DSCAML1: variants seen among roughly 807,000 people sequenced by gnomAD.
The protein encoded by DSCAML1 is cell adhesion molecule DSCAML1.
DSCAML1 carries 38 observed loss-of-function variants against 200.5 expected under a neutral mutation model. The observed-to-expected ratio is 0.19, with a 90% CI of 0.15 to 0.25. The LOEUF is 0.25. Ranked by LOEUF, DSCAML1 falls within the 10% of genes least tolerant of loss-of-function variation. The pLI is 1.00. For synonymous variants in DSCAML1, 1,215 were observed against 1,165.0 expected, an observed-to-expected ratio of 1.04 and a Z score of -0.87; for missense variants, 2,223 against 2,858.8, an observed-to-expected ratio of 0.78 and a Z score of 5.07.
chr11:117,797,093 C>T lies in DSCAML1; in HGVS notation c.-14G>A, dbSNP rs377600712. The T allele has an allele frequency of 1.9e-6, 3 of 1,587,394 alleles. No homozygotes were observed. The highest frequency in any genetic ancestry group is 1.8e-5 in the Admixed American group (1 of 57,112). On this transcript the variant is annotated 5_prime_UTR_variant, in exon 1 of 33. Transcript: ENST00000651296. ...TACCAGCCACATGCCATAAAGAGGC[C>T]CTATTCTCCGGGGAGGTGGTCCTGT...
intron 8 of DSCAML1, among the ~76,000 whole-genome samples, chr11:117,507,788 C>T (rs1300972553): frequency 6.6e-6 from 1 of 152,238 alleles, no homozygotes; most frequent in Non-Finnish European, 1.5e-5. Context: ...CACCTGGAAC[C>T]TAAATCCCAG....
At chr11:117,554,811 C>T (rs991433594) in intron 3 of DSCAML1, among the ~76,000 whole-genome samples, 1 of 152,218 alleles carries the variant, frequency 6.6e-6, no homozygotes, top group Non-Finnish European at 1.5e-5. Context: ...TGGGTCAGCC[C>T]TGAACTGCCA....
intron 11 of DSCAML1, among the ~76,000 whole-genome samples, 199 bp from the exon 12 acceptor site, chr11:117,482,361 G>T (rs1397373412): frequency 6.6e-6 from 1 of 152,188 alleles, no homozygotes; most frequent in Non-Finnish European, 1.5e-5. Flanking sequence ...TTCACCGGGG[G>T]TCCCACATTC....
chr11:117,637,166 A>T (rs1044272289), intron 3 of DSCAML1, among the ~76,000 whole-genome samples: 3 of 151,968 alleles, frequency 2.0e-5, no homozygotes, highest in Non-Finnish European at 4.4e-5. Context: ...GACACCCAAG[A>T]CTGGGGTTGA....
At chr11:117,570,988 T>G (rs10502226) in intron 3 of DSCAML1, among the ~76,000 whole-genome samples, 2,347 of 152,364 alleles carry the variant, frequency 0.015, 36 homozygotes, top group East Asian at 0.084. Flanking sequence ...TGAGGGTAGA[T>G]GCTAAGCTTT....
intron 5 of DSCAML1, among the ~76,000 whole-genome samples, chr11:117,522,153 C>T (rs981869522): frequency 2.6e-5 from 4 of 152,226 alleles, no homozygotes; most frequent in Admixed American, 1.3e-4. Flanking sequence ...CAGGGCCTCA[C>T]CTAGAGCATT....
intron 3 of DSCAML1, among the ~76,000 whole-genome samples, chr11:117,726,283 G>GTT (rs2054129980): frequency 6.6e-6 from 1 of 151,944 alleles, no homozygotes; most frequent in Non-Finnish European, 1.5e-5. Context: ...GTGTGTGTGT[G>GTT]TGTGTGTGTA....
intron 3 of DSCAML1, among the ~76,000 whole-genome samples, chr11:117,612,966 G>A (rs2051726779): frequency 1.3e-5 from 2 of 152,156 alleles, no homozygotes; most frequent in African/African-American, 4.8e-5. Context: ...CCCTGATTGG[G>A]CCACTGATTC....
intron 3 of DSCAML1, among the ~76,000 whole-genome samples, chr11:117,616,164 T>G (rs550541209): frequency 6.6e-6 from 1 of 152,272 alleles, no homozygotes; most frequent in South Asian, 2.1e-4. Context: ...TAGGCAGGAT[T>G]CCAGTGTCTT....
chr11:117,618,528 T>C (rs1356828543), intron 3 of DSCAML1, among the ~76,000 whole-genome samples: 1 of 152,130 alleles, frequency 6.6e-6, no homozygotes, highest in African/African-American at 2.4e-5. Flanking sequence ...CCACTTCCTA[T>C]AACCTTTTCT....
intron 3 of DSCAML1, among the ~76,000 whole-genome samples, chr11:117,630,043 G>T (rs575372112): frequency 6.6e-6 from 1 of 152,118 alleles, no homozygotes; most frequent in African/African-American, 2.4e-5. Context: ...CTTTAAGCCC[G>T]ACAGGAACTG....
chr11:117,692,766 C>T (rs971031660), intron 3 of DSCAML1, among the ~76,000 whole-genome samples: 4 of 152,136 alleles, frequency 2.6e-5, no homozygotes, highest in Admixed American at 6.5e-5. Flanking sequence ...ATGACCTGCA[C>T]GGAGGTATTT....
In DSCAML1 at chr11:117,610,718, G is replaced by A. The variant is rs532946884; in HGVS notation, c.512-78196C>T. Among the ~76,000 whole-genome samples the A allele has an allele frequency of 5.9e-5, 9 of 151,500 alleles. 1 individual carries two copies. The highest frequency in any genetic ancestry group is 5.9e-4 in the Admixed American group (9 of 15,204). The stretch of plus-strand genomic sequence containing the variant: ...AGCCGCCCCATCCTTTATAATGATT[G>A]CCCTGTATTCAATTACACACAGTCA... On this transcript the variant is annotated intron_variant, in intron 3 of 32. Coordinates refer to ENST00000651296, the MANE Select transcript of DSCAML1 (RefSeq NM_020693.4).
At chr11:117,467,424 CAATG>C (rs1442956388) in intron 16 of DSCAML1, among the ~76,000 whole-genome samples, 2 of 152,116 alleles carry the variant, frequency 1.3e-5, no homozygotes, top group Non-Finnish European at 2.9e-5. Context: ...GTTTTAAAGA[CAATG>C]AAGTTAATTT....
chr11:117,790,299 A>G (rs567588665), intron 1 of DSCAML1, among the ~76,000 whole-genome samples: 1 of 152,266 alleles, frequency 6.6e-6, no homozygotes, highest in African/African-American at 2.4e-5. Context: ...GCATCTAAGA[A>G]CCTTGGAGGG....
At chr11:117,694,377 G>A (rs955432808) in intron 3 of DSCAML1, among the ~76,000 whole-genome samples, 1 of 150,892 alleles carries the variant, frequency 6.6e-6, no homozygotes, top group East Asian at 1.9e-4. Flanking sequence ...CTCCACTCTA[G>A]CCTGGGCAAC....
At chr11:117,666,853 G>A (rs544012133) in intron 3 of DSCAML1, among the ~76,000 whole-genome samples, 1 of 152,336 alleles carries the variant, frequency 6.6e-6, no homozygotes, top group African/African-American at 2.4e-5. Context: ...ATGCAGTGAT[G>A]GATCTGGAGT....
rs1555032678 is a variant in DSCAML1, at chr11:117,780,231, G to GAAAGGAAAGAAA, written c.364+261_364+262insTTTCTTTCCTTT. On this transcript the variant is annotated intron_variant, in intron 2 of 32. Coordinates refer to ENST00000651296, the MANE Select transcript of DSCAML1 (RefSeq NM_020693.4). The surrounding 1 kb of genome is among the most constrained non-coding windows in gnomAD (Gnocchi z 4.8). ...AAAGAGAGAGAGAGAAAGAAAGAAA[G>GAAAGGAAAGAAA]GAAAGAAAGAAAGAAAGAAAGAAAG... Among the ~76,000 whole-genome samples, 15 of 60,702 alleles carry GAAAGGAAAGAAA rather than the reference G, an allele frequency of 2.5e-4. No individual in the cohort carries two copies. Among genetic ancestry groups the GAAAGGAAAGAAA allele is most frequent in the South Asian group, 6.0e-4 (1 of 1,668 alleles). The allele number at this position is 60,702 out of a possible 152,430, so 39.8% of individuals were successfully genotyped here. A position where few individuals can be genotyped will look rare whatever the true frequency, so the allele number is the denominator to read the frequency against.
At position 117,428,528 on chromosome 11, in the gene DSCAML1, GGGCTGGGGGGGCTGTGCC is replaced by G. The variant is rs747688404; in HGVS notation, c.5944_5961del (p.Gly1982_Ala1987del). On this transcript the variant is annotated inframe_deletion, in exon 33 of 33. Transcript: ENST00000651296. ...GGTGGCTCAGCAGGGGTGGGGCCGG[GGGCTGGGGGGGCTGTGCC>G]GGCTGGGGGGGCTGGCATGGCCAGA... 50 of 1,506,686 alleles carry G rather than the reference GGGCTGGGGGGGCTGTGCC, an allele frequency of 3.3e-5. No individual in the cohort carries two copies. The highest frequency in any genetic ancestry group is 2.5e-4 in the East Asian group (10 of 40,556). The allele number at this position is 1,506,686 out of a possible 1,614,324, so 93.3% of individuals were successfully genotyped here. A position where few individuals can be genotyped will look rare whatever the true frequency, so the allele number is the denominator to read the frequency against.
Sources: gnomAD v4.1 joint callset for allele counts (sites outside exome capture counted in the v4.1 genomes callset) on GRCh38, gnomAD v4.1.1 for gene constraint, Gnocchi (gnomAD v3.1) non-coding constraint, MANE v1.5 for transcripts, NCBI Gene and HGNC (gene_info 2026-07-23, HGNC 2026-07-21) for gene names.